Variants in CYBB observed in about 807,000 individuals in gnomAD.
CYBB encodes the protein NADPH oxidase 2.
Under a neutral mutation model 46.5 loss-of-function variants are expected in CYBB, and 5 were observed. The observed-to-expected ratio is 0.11, with a 90% confidence interval of 0.06 to 0.23. The LOEUF (loss-of-function observed/expected upper bound fraction) is 0.23, where lower values mean the gene tolerates loss of function less well. Among genes scored for constraint, CYBB ranks in the 10% least tolerant of loss-of-function variants. The pLI, the probability that CYBB is intolerant of heterozygous loss-of-function variation, is 1.00. For missense variants in CYBB, 307 were observed against 428.3 expected (o/e 0.72, Z 2.50); for synonymous variants, 183 against 156.7 (o/e 1.17, Z -1.26).
intron 3 of CYBB, among the ~76,000 whole-genome samples, chrX:37,789,766 T>C (rs1439261053): frequency 8.9e-6 from 1 of 112,250 alleles, no homozygotes; most frequent in Non-Finnish European, 1.9e-5. Context: ...AGTTTGAAAA[T>C]TTGTATTTTA....
Position 37,789,510 on chromosome X carries a change from G to GAAGA in CYBB, c.253-2450_253-2447dup, listed in dbSNP as rs1297472224. ...AAGAAAGAAAGAGAAAGAAAGAAAG[G>GAAGA]AAGAAAGAAAGAAAGAAAATAAATA... On this transcript the variant is annotated intron_variant, in intron 3 of 12. Transcript: ENST00000378588. Among the ~76,000 whole-genome samples the GAAGA allele has an allele frequency of 7.2e-5, 6 of 83,048 alleles. No homozygotes were observed. The East Asian group carries it at 9.7e-4, about 13-fold the overall frequency. 72.1% of individuals were successfully genotyped at this position (83,048 alleles called of 115,157 possible).
intron 3 of CYBB, among the ~76,000 whole-genome samples, chrX:37,787,472 A>G (rs1929095757): frequency 8.9e-6 from 1 of 112,223 alleles, no homozygotes; most frequent in Non-Finnish European, 1.9e-5. Context: ...AATAGAGCAT[A>G]GAAATCTGCT....
Position 37,805,175 on chromosome X carries a change from C to G in CYBB, c.1314+7C>G, listed in dbSNP as rs1602183704. The G allele has an allele frequency of 1.7e-6, 2 of 1,208,992 alleles. No homozygotes were observed. The highest frequency in any genetic ancestry group is 2.2e-6 in the Non-Finnish European group (2 of 893,489). ...CAATCTGAAGCTCAAAAAGGTAAGT[C>G]CTTTCATTTATCGGAGGGCCTTAGA... On this transcript the variant is annotated splice_region_variant and intron_variant, in intron 10 of 12. Coordinates refer to ENST00000378588, the MANE Select transcript of CYBB (RefSeq NM_000397.4).
At chrX:37,801,435 A>G (rs1556469896) in intron 8 of CYBB, 87 bp downstream of exon 8, 1 of 618,159 alleles carries the variant, frequency 1.6e-6, no homozygotes, top group African/African-American at 2.2e-5. Context: ...CATTGATCAG[A>G]TGTTACAACA....
At position 37,810,785 on chromosome X, in the gene CYBB, C is replaced by G; in HGVS notation, c.1587-6C>G. ...TGAAATTGTCTTTTTTTTTCTTTCC[C>G]AAAAGTACCAGAATAGGAGTTTTCC... is the stretch of plus-strand genomic sequence containing the variant. On this transcript the variant is annotated splice_polypyrimidine_tract_variant and splice_region_variant and intron_variant, in intron 12 of 12. Coordinates refer to ENST00000378588, the MANE Select transcript of CYBB (RefSeq NM_000397.4). 1 of 1,207,484 alleles carries G rather than the reference C, an allele frequency of 8.3e-7. No homozygotes were observed. Among genetic ancestry groups the G allele is most frequent in the Non-Finnish European group, 1.1e-6 (1 of 892,997 alleles).
At position 37,812,047 on chromosome X, in the gene CYBB, T is replaced by C. The variant is rs1466044662; in HGVS notation, c.*1130T>C. 2 of 112,146 alleles carry C rather than the reference T, an allele frequency of 1.8e-5. 1 individual carries two copies. The highest frequency in any genetic ancestry group is 3.8e-5 in the Non-Finnish European group (2 of 53,208). The allele number at this position is 112,146 out of a possible 1,213,427, so 9.2% of individuals were successfully genotyped here. ...GTTTTAAATAACACCCACCCCTTAT[T>C]TTCCGTAAATACACACACAAAATGG... On this transcript the variant is annotated 3_prime_UTR_variant, in exon 13 of 13. Transcript: ENST00000378588.
intron 2 of CYBB, among the ~76,000 whole-genome samples, chrX:37,783,029 A>G (rs1318609438): frequency 7.2e-5 from 8 of 111,305 alleles, no homozygotes; most frequent in Non-Finnish European, 1.5e-4. Flanking sequence ...AATATTTAAA[A>G]TCTTTAAAAG....
At chrX:37,807,578 A>G (rs1348103498) in intron 11 of CYBB, among the ~76,000 whole-genome samples, 1 of 110,875 alleles carries the variant, frequency 9.0e-6, no homozygotes, top group African/African-American at 3.3e-5. Context: ...AACTCAGACC[A>G]GGTTAGGTCA....
chrX:37,787,933 C>T (rs1260572219), intron 3 of CYBB, among the ~76,000 whole-genome samples: 1 of 111,823 alleles, frequency 8.9e-6, no homozygotes, highest in East Asian at 2.8e-4. Context: ...TGGTTGGACC[C>T]ACTCCACTGA....
At chrX:37,783,294 C>A (rs1197629183) in intron 2 of CYBB, among the ~76,000 whole-genome samples, 196 bp from the exon 3 acceptor site, 1 of 111,766 alleles carries the variant, frequency 8.9e-6, no homozygotes, top group Non-Finnish European at 1.9e-5. Context: ...TGAATTAGGG[C>A]AAAAGGTCAA....
chrX:37,809,755 C>G (rs1305719864), intron 12 of CYBB, 64 bp downstream of exon 12: 1 of 1,105,733 alleles, frequency 9.0e-7, no homozygotes, highest in East Asian at 3.1e-5. Flanking sequence ...AGCCCCTATA[C>G]ATATCTAAAC....
Position 37,810,881 on chromosome X carries a change from G to C in CYBB, c.1677G>C (p.Arg559=), listed in dbSNP as rs1000449858. The C allele has an allele frequency of 3.3e-6, 4 of 1,208,432 alleles. No individual in the cohort carries two copies. Among genetic ancestry groups the C allele is most frequent in the African/African-American group, 1.7e-5 (1 of 57,720 alleles). ...QSISNSESGP[R]GVHFIFNKEN... Reference sequence around the variant, plus strand: ...TCTCCAACTCTGAGTCTGGCCCTCGGGGAGTGCATTTCATTTTCAACAAGG... The same window carrying C: ...TCTCCAACTCTGAGTCTGGCCCTCGCGGAGTGCATTTCATTTTCAACAAGG... Residue 559 remains arginine, a synonymous_variant, in exon 13 of 13, where the codon CGG becomes CGC. Coordinates refer to ENST00000378588, the MANE Select transcript of CYBB (RefSeq NM_000397.4).
At chrX:37,802,765 C>T (rs971596150) in intron 8 of CYBB, among the ~76,000 whole-genome samples, 2 of 111,782 alleles carry the variant, frequency 1.8e-5, no homozygotes, top group Non-Finnish European at 3.8e-5. Flanking sequence ...ACTCCCTGTT[C>T]GAGAAAAGCC....
intron 2 of CYBB, among the ~76,000 whole-genome samples, chrX:37,782,471 G>T (rs1369636285): frequency 7.1e-5 from 8 of 112,668 alleles, no homozygotes; most frequent in Non-Finnish European, 1.3e-4. Flanking sequence ...TGAAATGGAA[G>T]GGCAGGTTGG....
chrX:37,805,278 A>G lies in CYBB; in HGVS notation c.1314+110A>G. On this transcript the variant is annotated intron_variant, in intron 10 of 12. Coordinates refer to ENST00000378588, the MANE Select transcript of CYBB (RefSeq NM_000397.4). The stretch of plus-strand genomic sequence containing the variant: ...TTGGCAGAGACCATGGGAAGTGAAG[A>G]AAAGCTTCCGGTGGTTCCAGAGAGA... 4 of 775,660 alleles carry G rather than the reference A, an allele frequency of 5.2e-6. No individual in the cohort carries two copies. In the South Asian group the frequency reaches 8.8e-5, roughly 17 times the overall value. 63.9% of individuals were successfully genotyped at this position (775,660 alleles called of 1,213,427 possible). A position where few individuals can be genotyped will look rare whatever the true frequency, so the allele number is the denominator to read the frequency against.
At chrX:37,790,591 CT>C (rs1556466697) in intron 3 of CYBB, among the ~76,000 whole-genome samples, 1 of 111,050 alleles carries the variant, frequency 9.0e-6, no homozygotes, top group Non-Finnish European at 1.9e-5. Context: ...CAGTGTCTTC[CT>C]TGCTACTATT....
chrX:37,800,669 A>T (rs1264963387), intron 7 of CYBB, among the ~76,000 whole-genome samples: 1 of 111,404 alleles, frequency 9.0e-6, no homozygotes, highest in Admixed American at 9.6e-5. Flanking sequence ...AGTGTTCAGA[A>T]ACACTGCATG....
chrX:37,805,203 A>G, intron 10 of CYBB, 35 bp downstream of exon 10: 1 of 1,188,004 alleles, frequency 8.4e-7, no homozygotes, highest in Non-Finnish European at 1.1e-6. Flanking sequence ...GCCTTAGAGC[A>G]GTAACCATAC....
intron 10 of CYBB, 34 bp from the exon 11 acceptor site, chrX:37,806,353 A>G (rs1929559929): frequency 1.7e-6 from 2 of 1,205,435 alleles, no homozygotes; most frequent in Non-Finnish European, 2.2e-6. Context: ...GGCCTGCCAA[A>G]TATAATCTGC....
Sources: gnomAD v4.1 joint callset for allele counts (sites outside exome capture counted in the v4.1 genomes callset) on GRCh38, gnomAD v4.1.1 for gene constraint, MANE v1.5 for transcripts, NCBI Gene and HGNC (gene_info 2026-07-23, HGNC 2026-07-21) for gene names.